Variants in USP9X observed in about 807,000 individuals in gnomAD.
USP9X encodes ubiquitin specific peptidase 9 X-linked.
A neutral mutation model predicts 190.3 loss-of-function variants in USP9X; 7 were observed. That is an observed-to-expected ratio of 0.04 (90% CI 0.02 to 0.07). The LOEUF is 0.07. USP9X is among the 10% of genes least tolerant of loss of function. USP9X has a pLI of 1.00. For missense variants in USP9X, 1,010 were observed against 1,916.9 expected, an observed-to-expected ratio of 0.53 and a Z score of 8.83; for synonymous variants, 645 against 659.5, an observed-to-expected ratio of 0.98 and a Z score of 0.34.
intron 1 of USP9X, among the ~76,000 whole-genome samples, chrX:41,090,122 G>C (rs1484810678): frequency 9.3e-6 from 1 of 107,715 alleles, no homozygotes; most frequent in African/African-American, 3.4e-5. Flanking sequence ...GCCTAAGCTG[G>C]TCTTGAACTG....
Position 41,223,204 on chromosome X carries a change from C to G in USP9X, c.6566-13C>G, listed in dbSNP as rs923507757. On this transcript the variant is annotated splice_polypyrimidine_tract_variant and intron_variant, in intron 38 of 44. Coordinates refer to ENST00000378308, the MANE Select transcript of USP9X (RefSeq NM_001039591.3). The stretch of plus-strand genomic sequence containing the variant: ...CCTCTCTTTCTTCTCCCCTTCACTC[C>G]TTTTTGTTGTAGGTGTGGCAGAGAA... 1 of 1,202,531 alleles carries G rather than the reference C, an allele frequency of 8.3e-7. No individual in the cohort carries two copies. Among genetic ancestry groups the G allele is most frequent in the African/African-American group, 1.8e-5 (1 of 56,825 alleles).
rs189324134 is a variant in USP9X at position 41,233,993 on chromosome X, C to G, written c.*1469C>G. Reference sequence around the variant, plus strand: ...CAAATAGAATTTGATTTAAGAAGAACTTTTTGTCCTGTGGTGTGTTTTTGG... The same window carrying G: ...CAAATAGAATTTGATTTAAGAAGAAGTTTTTGTCCTGTGGTGTGTTTTTGG... On this transcript the variant is annotated 3_prime_UTR_variant, in exon 45 of 45. Transcript: ENST00000378308. The G allele has an allele frequency of 9.5e-6, 1 of 105,431 alleles. No homozygotes were observed. Among genetic ancestry groups the G allele is most frequent in the East Asian group, 3.0e-4 (1 of 3,388 alleles). The allele number at this position is 105,431 out of a possible 1,213,427, so 8.7% of individuals were successfully genotyped here.
At position 41,134,789 on chromosome X, in the gene USP9X, T is replaced by C; in HGVS notation, c.387T>C (p.Thr129=). 2 of 1,211,272 alleles carry C rather than the reference T, an allele frequency of 1.7e-6. No homozygotes were observed. The highest frequency in any genetic ancestry group is 2.2e-6 in the Non-Finnish European group (2 of 895,149). ...GTGATGGGCTAACAATATCATTCAC[T>C]AAAATTCTTACAGATGAAGCAGTGA... ...FFRDGLTISF[T]KILTDEAVSG... The change falls in exon 5 of 45, where the codon ACT becomes ACC. Residue 129 remains threonine (T), a synonymous_variant. Transcript: ENST00000378308.
intron 1 of USP9X, among the ~76,000 whole-genome samples, chrX:41,100,481 T>C (rs1405983072): frequency 3.6e-5 from 4 of 111,694 alleles, no homozygotes; most frequent in Non-Finnish European, 7.5e-5. Context: ...AAATGAGCGC[T>C]CTACTGCATA....
At position 41,181,435 on chromosome X, in the gene USP9X, C is replaced by CTTTTTTTTT. The variant is rs200403625; in HGVS notation, c.3149-2542_3149-2534dup. Among the ~76,000 whole-genome samples, 8 of 38,575 alleles carry CTTTTTTTTT rather than the reference C, an allele frequency of 2.1e-4. 1 individual carries two copies. Among genetic ancestry groups the CTTTTTTTTT allele is most frequent in the East Asian group, 1.4e-3 (2 of 1,422 alleles). 33.5% of individuals were successfully genotyped at this position (38,575 alleles called of 115,157 possible). A position where few individuals can be genotyped will look rare whatever the true frequency, so the allele number is the denominator to read the frequency against. The stretch of plus-strand genomic sequence containing the variant: ...TACAGGTACACACCACCACACCTGA[C>CTTTTTTTTT]TTTTTTTTTTTTTTTTTTTTTTTTT... On this transcript the variant is annotated intron_variant, in intron 21 of 44. Coordinates refer to ENST00000378308, the MANE Select transcript of USP9X (RefSeq NM_001039591.3).
intron 1 of USP9X, among the ~76,000 whole-genome samples, chrX:41,096,052 C>G (rs898618286): frequency 1.8e-5 from 2 of 112,234 alleles, no homozygotes; most frequent in Non-Finnish European, 3.8e-5. Flanking sequence ...CCTGCCACCT[C>G]CAATTCCCTT....
chrX:41,090,499 A>T (rs996332688), intron 1 of USP9X, among the ~76,000 whole-genome samples: 1 of 112,615 alleles, frequency 8.9e-6, no homozygotes, highest in Non-Finnish European at 1.9e-5. Context: ...GGTGTCTTCA[A>T]CGTGTGTATA....
chrX:41,125,684 A>ACACTCTCTCTCTCT, intron 2 of USP9X, among the ~76,000 whole-genome samples: 1 of 19,025 alleles, frequency 5.3e-5, no homozygotes, highest in Non-Finnish European at 9.0e-5. Context: ...ACACACACAC[A>ACACTCTCTCTCTCT]CTCTCTCTCT....
chrX:41,132,295 A>ATTTTTTTTTTTT (rs11356870), intron 4 of USP9X, among the ~76,000 whole-genome samples: 1 of 54,570 alleles, frequency 1.8e-5, no homozygotes, highest in Admixed American at 2.2e-4. Context: ...ATGCCCACTA[A>ATTTTTTTTTTTT]TTTTTTTTTT....
In USP9X at chrX:41,201,070, A is replaced by T; in HGVS notation, c.4614A>T (p.Ala1538=). 1 of 1,211,060 alleles carries T rather than the reference A, an allele frequency of 8.3e-7. No homozygotes were observed. The highest frequency in any genetic ancestry group is 1.7e-5 in the African/African-American group (1 of 57,823). Residue 1538 remains alanine, a synonymous_variant, in exon 31 of 45, where the codon GCA becomes GCT. Transcript: ENST00000378308. ...CTTTCCTTCTCTCAGCTTGTGAAGC[A>T]CTTACTGAGTGGGAATATCTGCCAC... ...YIGTAITTCE[A]LTEWEYLPPV...
chrX:41,165,844 A>G, intron 15 of USP9X, 28 bp from the exon 16 acceptor site: 1 of 1,179,548 alleles, frequency 8.5e-7, no homozygotes, highest in Non-Finnish European at 1.1e-6. Context: ...ACATAAATCT[A>G]ATTGCCAATT....
chrX:41,091,637 T>G (rs1448947548), intron 1 of USP9X, among the ~76,000 whole-genome samples: 1 of 111,993 alleles, frequency 8.9e-6, no homozygotes, highest in East Asian at 2.8e-4. Context: ...TAAATCTTTT[T>G]ACTTCTGGGA....
At chrX:41,125,711 C>T (rs923761650) in intron 2 of USP9X, among the ~76,000 whole-genome samples, 1 of 104,625 alleles carries the variant, frequency 9.6e-6, no homozygotes, top group Non-Finnish European at 2.0e-5. Context: ...CTCTCTCTCT[C>T]TCTCTCTCGC....
chrX:41,098,180 G>T, intron 1 of USP9X, among the ~76,000 whole-genome samples: 1 of 97,838 alleles, frequency 1.0e-5, no homozygotes, highest in Non-Finnish European at 2.0e-5. Context: ...TCGCTCTGTT[G>T]CCCAGGCTGG....
intron 38 of USP9X, among the ~76,000 whole-genome samples, chrX:41,221,123 G>A (rs1350406097): frequency 3.6e-5 from 4 of 109,893 alleles, no homozygotes; most frequent in African/African-American, 6.6e-5. Context: ...TTAGCCGGGC[G>A]TGGTGGCACA....
chrX:41,120,510 G>T (rs1053372572), intron 1 of USP9X, among the ~76,000 whole-genome samples: 6 of 110,948 alleles, frequency 5.4e-5, no homozygotes, highest in Non-Finnish European at 3.8e-5. Flanking sequence ...TATCTTTTTT[G>T]TGTGTGTGAC....
intron 4 of USP9X, among the ~76,000 whole-genome samples, chrX:41,134,417 A>G: frequency 8.9e-6 from 1 of 112,474 alleles, no homozygotes; most frequent in South Asian, 3.6e-4. Context: ...TATGAACAAA[A>G]TAAGATTTTA....
At chrX:41,134,945 AATT>A in intron 5 of USP9X, 108 bp downstream of exon 5, 2 of 580,198 alleles carry the variant, frequency 3.4e-6, no homozygotes, top group Non-Finnish European at 5.1e-6. Context: ...GTTATAATTG[AATT>A]AAAAGGTCTA....
At chrX:41,126,745 TA>T (rs1239585828) in intron 2 of USP9X, among the ~76,000 whole-genome samples, 1 of 111,825 alleles carries the variant, frequency 8.9e-6, no homozygotes, top group African/African-American at 3.2e-5. Flanking sequence ...TTTTTAATGT[TA>T]GGATTTTATT....
Sources: gnomAD v4.1 joint callset for allele counts (sites outside exome capture counted in the v4.1 genomes callset) on GRCh38, gnomAD v4.1.1 for gene constraint, MANE v1.5 for transcripts, NCBI Gene and HGNC (gene_info 2026-07-23, HGNC 2026-07-21) for gene names.